Variants in TXNRD1 observed in about 807,000 individuals in gnomAD.
TXNRD1 encodes the protein thioredoxin reductase 1, cytoplasmic.
A neutral mutation model predicts 80.3 loss-of-function variants in TXNRD1; 57 were observed. The observed-to-expected ratio is 0.71, with a 90% confidence interval of 0.57 to 0.89. TXNRD1 has a LOEUF of 0.89. TXNRD1 is among the 40% of genes least tolerant of loss of function. The pLI is 0.00. For synonymous variants in TXNRD1, 291 were observed against 285.2 expected (o/e 1.02, Z -0.20); for missense variants, 730 against 803.0 (o/e 0.91, Z 1.10).
intron 4 of TXNRD1, chr12:104,289,609 G>C (rs543537713): frequency 6.6e-6 from 1 of 152,658 alleles, no homozygotes; most frequent in African/African-American, 2.4e-5. Context: ...CCTTTGGCTG[G>C]TAGCAAACGC....
chr12:104,333,753 C>A (rs2036041502), intron 14 of TXNRD1, among the ~76,000 whole-genome samples: 1 of 152,160 alleles, frequency 6.6e-6, no homozygotes. Context: ...TTCCCTATCT[C>A]CTTCCTTCAT....
intron 1 of TXNRD1, among the ~76,000 whole-genome samples, chr12:104,249,732 A>G (rs11616143): frequency 0.038 from 5,726 of 152,056 alleles, 209 homozygotes; most frequent in East Asian, 0.21. Context: ...TCAGGAGATC[A>G]AGACCATCCT....
In TXNRD1 at chr12:104,348,760, C is replaced by T; in HGVS notation, c.*339C>T. On this transcript the variant is annotated 3_prime_UTR_variant, in exon 17 of 17. Coordinates refer to ENST00000525566, the MANE Select transcript of TXNRD1 (RefSeq NM_001093771.3). ...ACCTTTCCTTGTGGATTTTCTTATT[C>T]TCGTTGTCAAGTTTTCTAGGGTTGA... 3.9e-6 allele frequency: 1 copy of T among 253,708 alleles called. No individual in the cohort carries two copies. The highest frequency in any genetic ancestry group is 8.2e-5 in the East Asian group (1 of 12,190). The allele number at this position is 253,708 out of a possible 1,614,324, so 15.7% of individuals were successfully genotyped here.
At chr12:104,293,180 G>A (rs922459370) in intron 4 of TXNRD1, among the ~76,000 whole-genome samples, 29 of 152,146 alleles carry the variant, frequency 1.9e-4, no homozygotes, top group Non-Finnish European at 3.7e-4. Flanking sequence ...CTTGTAGAGA[G>A]GCCTATTGGT....
intron 3 of TXNRD1, among the ~76,000 whole-genome samples, chr12:104,274,256 G>C (rs1006076868): frequency 6.6e-6 from 1 of 152,228 alleles, no homozygotes. Context: ...TTCAGGCCCA[G>C]CTCCATGAAG....
chr12:104,232,046 C>G (rs898883214), intron 1 of TXNRD1, among the ~76,000 whole-genome samples: 2 of 152,322 alleles, frequency 1.3e-5, no homozygotes, highest in African/African-American at 4.8e-5. Context: ...AAACTTTAGT[C>G]TTATACTTGG....
rs142253418 is a variant in TXNRD1 at position 104,347,852 on chromosome 12, G to A, written c.1882-501G>A. On this transcript the variant is annotated intron_variant, in intron 16 of 16. Transcript: ENST00000525566. ...TCCATATGGGATACAAAAAAGCAGGGTAACAAAAGAATCTACATCATCTTG... is the reference window on the plus strand; with the variant it reads ...TCCATATGGGATACAAAAAAGCAGGATAACAAAAGAATCTACATCATCTTG... Among the ~76,000 whole-genome samples, 11 of 152,234 alleles carry A rather than the reference G, an allele frequency of 7.2e-5. No individual in the cohort carries two copies. The East Asian group carries it at 1.9e-3, about 27-fold the overall frequency.
chr12:104,281,390 A>G (rs2135735346), intron 3 of TXNRD1, among the ~76,000 whole-genome samples: 1 of 145,146 alleles, frequency 6.9e-6, no homozygotes, highest in Admixed American at 7.0e-5. Flanking sequence ...GTATATCTCC[A>G]TATCTCCACT....
intron 1 of TXNRD1, among the ~76,000 whole-genome samples, chr12:104,245,275 G>A (rs1188091025): frequency 6.6e-6 from 1 of 151,824 alleles, no homozygotes; most frequent in Non-Finnish European, 1.5e-5. Context: ...ACTTTGGGAG[G>A]CTGCGGCAGG....
chr12:104,327,059 C>T (rs2035791298), intron 12 of TXNRD1, among the ~76,000 whole-genome samples: 1 of 152,012 alleles, frequency 6.6e-6, no homozygotes, highest in Admixed American at 6.6e-5. Flanking sequence ...ACATCAGCCT[C>T]CCAAAGTGTT....
intron 3 of TXNRD1, chr12:104,284,264 T>G (rs539905392): frequency 6.6e-6 from 1 of 152,344 alleles, no homozygotes; most frequent in Admixed American, 6.5e-5. Context: ...TTAATTTCTG[T>G]GTTTCCTTCA....
chr12:104,332,943 G>A (rs1290964842), intron 14 of TXNRD1, among the ~76,000 whole-genome samples: 1 of 151,540 alleles, frequency 6.6e-6, no homozygotes, highest in Non-Finnish European at 1.5e-5. Context: ...ATATGTGTGT[G>A]TGATTTTGTG....
chr12:104,290,755 A>ATATATG (rs1555212099), intron 4 of TXNRD1, among the ~76,000 whole-genome samples: 6 of 115,070 alleles, frequency 5.2e-5, no homozygotes, highest in South Asian at 3.0e-4. Flanking sequence ...ATATATATAT[A>ATATATG]TATGTATATT....
At chr12:104,227,628 G>A (rs777539242) in intron 1 of TXNRD1, among the ~76,000 whole-genome samples, 37 of 152,022 alleles carry the variant, frequency 2.4e-4, no homozygotes, top group South Asian at 6.2e-4. Context: ...TAACAGTTCC[G>A]TTACCCCACA....
chr12:104,286,968 C>A, intron 3 of TXNRD1: 9 of 1,232,442 alleles, frequency 7.3e-6, no homozygotes, highest in Non-Finnish European at 9.2e-6. Context: ...CCCGCCCGCT[C>A]GGCGCAGGGC....
rs1236628575 is a variant in TXNRD1 at position 104,350,226 on chromosome 12, A to C, written c.*1805A>C. ...CTAAGTTCCATGTATTTTTGTTACA[A>C]ATCTTCTGAAAAAAAACAAAACAAT... On this transcript the variant is annotated 3_prime_UTR_variant, in exon 17 of 17. Transcript: ENST00000525566. 1.3e-5 allele frequency: 2 copies of C among 151,974 alleles called. No individual in the cohort carries two copies. Among genetic ancestry groups the C allele is most frequent in the African/African-American group, 4.8e-5 (2 of 41,398 alleles). The allele number at this position is 151,974 out of a possible 1,614,324, so 9.4% of individuals were successfully genotyped here.
At chr12:104,314,469 G>A (rs1002108097) in intron 6 of TXNRD1, among the ~76,000 whole-genome samples, 11 of 152,208 alleles carry the variant, frequency 7.2e-5, no homozygotes, top group Middle Eastern at 3.4e-3. Flanking sequence ...GACCTGTGGA[G>A]CATATACTCC....
chr12:104,255,312 A>G (rs892981827), intron 2 of TXNRD1, among the ~76,000 whole-genome samples: 1 of 151,518 alleles, frequency 6.6e-6, no homozygotes, highest in Non-Finnish European at 1.5e-5. Context: ...AGTCCCTATT[A>G]TGCCCCAGAA....
intron 3 of TXNRD1, among the ~76,000 whole-genome samples, chr12:104,284,950 C>T (rs1372443034): frequency 2.6e-5 from 4 of 152,132 alleles, no homozygotes; most frequent in South Asian, 2.1e-4. Context: ...CTGAAGCAGA[C>T]GGATCCCTTG....
Sources: allele counts gnomAD v4.1 joint callset (sites outside exome capture counted in the v4.1 genomes callset), GRCh38; gene constraint gnomAD v4.1.1; transcripts MANE v1.5; gene names NCBI Gene and HGNC (gene_info 2026-07-23, HGNC 2026-07-21).